Variants in GLT1D1 observed in about 807,000 individuals in gnomAD.
GLT1D1 encodes the protein glycosyltransferase 1 domain-containing protein 1.
GLT1D1 carries 21 observed loss-of-function variants against 28.7 expected under a neutral mutation model. That is an observed-to-expected ratio of 0.73 (90% CI 0.52 to 1.05). GLT1D1 has a LOEUF of 1.05. GLT1D1 is among the 50% of genes least tolerant of loss of function. The pLI, the probability that GLT1D1 is intolerant of heterozygous loss-of-function variation, is 0.00. For synonymous variants in GLT1D1, 147 were observed against 124.8 expected, an observed-to-expected ratio of 1.18 and a Z score of -1.19; for missense variants, 343 against 330.6, an observed-to-expected ratio of 1.04 and a Z score of -0.29.
intron 4 of GLT1D1, chr12:128,906,813 A>G: frequency 1.6e-6 from 1 of 639,962 alleles, no homozygotes; most frequent in Admixed American, 2.2e-5. Flanking sequence ...AAGAAAAGTA[A>G]CTTCTTCAAG....
chr12:128,908,323 C>T (rs990491028), intron 4 of GLT1D1, among the ~76,000 whole-genome samples: 10 of 147,562 alleles, frequency 6.8e-5, no homozygotes, highest in Non-Finnish European at 8.9e-5. Context: ...TTTTACTTTC[C>T]TTCTTTCTTT....
chr12:128,940,495 G>A (rs1875085804), intron 4 of GLT1D1, among the ~76,000 whole-genome samples: 1 of 152,142 alleles, frequency 6.6e-6, no homozygotes, highest in African/African-American at 2.4e-5. Context: ...GCCTGACCCT[G>A]GCCCTCTGTA....
intron 4 of GLT1D1, among the ~76,000 whole-genome samples, chr12:128,901,412 G>A (rs892967061): frequency 4.0e-5 from 6 of 150,720 alleles, no homozygotes; most frequent in South Asian, 2.1e-4. Context: ...GAGCCACCGC[G>A]CCTGACCTTT....
At chr12:128,857,943 G>A (rs993351524) in intron 1 of GLT1D1, among the ~76,000 whole-genome samples, 1 of 152,188 alleles carries the variant, frequency 6.6e-6, no homozygotes, top group Non-Finnish European at 1.5e-5. Context: ...AGAGGTCAGG[G>A]AAAGCCTTCT....
At chr12:128,956,659 A>T (rs996994481) in intron 6 of GLT1D1, among the ~76,000 whole-genome samples, 1 of 152,154 alleles carries the variant, frequency 6.6e-6, no homozygotes, top group Non-Finnish European at 1.5e-5. Flanking sequence ...TACACTTATT[A>T]TATGTGCAGA....
intron 1 of GLT1D1, among the ~76,000 whole-genome samples, chr12:128,867,818 A>G (rs112753646): frequency 3.7e-4 from 56 of 152,312 alleles, no homozygotes; most frequent in African/African-American, 1.3e-3. Flanking sequence ...GAACTGGGAG[A>G]AAAGCTCGGA....
chr12:128,889,510 G>C (rs1868791007), intron 3 of GLT1D1, among the ~76,000 whole-genome samples: 1 of 152,156 alleles, frequency 6.6e-6, no homozygotes, highest in African/African-American at 2.4e-5. Flanking sequence ...CAGCCTCCAG[G>C]TACCACAACT....
rs1431630089 is a variant in GLT1D1 at position 128,984,030 on chromosome 12, A to C, written c.*940A>C. On this transcript the variant is annotated 3_prime_UTR_variant, in exon 8 of 8. Coordinates refer to ENST00000281703, the MANE Select transcript of GLT1D1 (RefSeq NM_144669.3). ...TCATCCATGTCACATGAGGACGTGC[A>C]GTCTTCCTTGTCCTCTCCTAGTGGA... The C allele has an allele frequency of 6.6e-6, 1 of 152,298 alleles. No individual in the cohort carries two copies. Among genetic ancestry groups the C allele is most frequent in the Non-Finnish European group, 1.5e-5 (1 of 68,088 alleles). 9.4% of individuals were successfully genotyped at this position (152,298 alleles called of 1,614,324 possible). A position where few individuals can be genotyped will look rare whatever the true frequency, so the allele number is the denominator to read the frequency against.
At chr12:128,864,351 C>T (rs937678083) in intron 1 of GLT1D1, among the ~76,000 whole-genome samples, 25 of 151,810 alleles carry the variant, frequency 1.6e-4, no homozygotes, top group Non-Finnish European at 2.8e-4. Context: ...GGCAGAGGGC[C>T]CCGGAAATCC....
At chr12:128,892,219 C>T (rs184694216) in intron 3 of GLT1D1, among the ~76,000 whole-genome samples, 48 of 152,174 alleles carry the variant, frequency 3.2e-4, no homozygotes, top group African/African-American at 1.1e-3. Context: ...TGACTTTTCC[C>T]TTTAGCTTTG....
At chr12:128,894,397 G>A (rs1436890640) in intron 3 of GLT1D1, among the ~76,000 whole-genome samples, 2 of 152,136 alleles carry the variant, frequency 1.3e-5, no homozygotes, top group African/African-American at 4.8e-5. Context: ...TCCTTTCCTG[G>A]TTCTCATCTG....
chr12:128,919,466 T>A (rs1872434036), intron 4 of GLT1D1, among the ~76,000 whole-genome samples: 1 of 152,208 alleles, frequency 6.6e-6, no homozygotes, highest in African/African-American at 2.4e-5. Flanking sequence ...ATTCTCCTCT[T>A]CCGGCATGTC....
At chr12:128,897,573 G>A (rs1315059489) in intron 3 of GLT1D1, among the ~76,000 whole-genome samples, 1 of 151,996 alleles carries the variant, frequency 6.6e-6, no homozygotes, top group Non-Finnish European at 1.5e-5. Context: ...TTTTTACTTA[G>A]CTCCTGAACC....
At chr12:128,858,482 G>A (rs1259173833) in intron 1 of GLT1D1, among the ~76,000 whole-genome samples, 2 of 152,084 alleles carry the variant, frequency 1.3e-5, no homozygotes, top group African/African-American at 4.8e-5. Context: ...GACCATCCTG[G>A]CCAACATGGT....
intron 6 of GLT1D1, among the ~76,000 whole-genome samples, chr12:128,954,037 C>A (rs1375801120): frequency 6.6e-6 from 1 of 151,112 alleles, no homozygotes; most frequent in African/African-American, 2.4e-5. Flanking sequence ...TGAGCCACTG[C>A]GCCCAGTCTA....
At chr12:128,880,100 G>A (rs1566097420) in intron 2 of GLT1D1, among the ~76,000 whole-genome samples, 1 of 152,208 alleles carries the variant, frequency 6.6e-6, no homozygotes, top group East Asian at 1.9e-4. Context: ...AATGCTATAT[G>A]GAAAGGTTAT....
At chr12:128,944,364 G>T (rs1565901647) in intron 4 of GLT1D1, 5 of 891,724 alleles carry the variant, frequency 5.6e-6, no homozygotes, top group Non-Finnish European at 9.3e-6. Context: ...CTGTTCTGGA[G>T]AATGTTTCCA....
rs7305672 is a variant in GLT1D1 at position 128,969,667 on chromosome 12, G to A, written c.639+12024G>A. On this transcript the variant is annotated intron_variant, in intron 7 of 7. Coordinates refer to ENST00000281703, the MANE Select transcript of GLT1D1 (RefSeq NM_144669.3). ...TCCTGGCCGCCTCACTCCTGACCAAGCAGGGAGCATCCTGCTTGCATCGCG... is the reference window on the plus strand; with the variant it reads ...TCCTGGCCGCCTCACTCCTGACCAAACAGGGAGCATCCTGCTTGCATCGCG... 6.7e-3 allele frequency among the ~76,000 whole-genome samples: 1,028 copies of A among 152,320 alleles called. 13 individuals carry two copies. The highest frequency in any genetic ancestry group is 0.023 in the African/African-American group (967 of 41,580).
chr12:128,952,017 G>C (rs1876741693), intron 6 of GLT1D1, among the ~76,000 whole-genome samples: 1 of 152,138 alleles, frequency 6.6e-6, no homozygotes, highest in African/African-American at 2.4e-5. Context: ...CCATCAAATG[G>C]GATGAGTGAG....
Sources: gnomAD v4.1 joint callset for allele counts (sites outside exome capture counted in the v4.1 genomes callset) on GRCh38, gnomAD v4.1.1 for gene constraint, MANE v1.5 for transcripts, NCBI Gene and HGNC (gene_info 2026-07-23, HGNC 2026-07-21) for gene names.